The following PCDHGA4 variants were observed in gnomAD, a reference collection of about 807,000 sequenced individuals.
PCDHGA4 encodes the protein protocadherin gamma-A4.
PCDHGA4 carries 38 observed loss-of-function variants against 54.6 expected under a neutral mutation model. The observed-to-expected ratio is 0.70, with a 90% CI of 0.54 to 0.91. The LOEUF is 0.91. Among genes scored for constraint, PCDHGA4 ranks in the 40% least tolerant of loss-of-function variants. The pLI is 0.00. For synonymous variants in PCDHGA4, 511 were observed against 512.9 expected, an observed-to-expected ratio of 1.00 and a Z score of 0.05; for missense variants, 1,298 against 1,220.9, an observed-to-expected ratio of 1.06 and a Z score of -0.94.
At chr5:141,413,270 C>T (rs2095621736) in intron 1 of PCDHGA4, 5 of 1,613,924 alleles carry the variant, frequency 3.1e-6, no homozygotes, top group Non-Finnish European at 4.2e-6. Flanking sequence ...GAGGCTGGAG[C>T]CCGGCAGATC....
chr5:141,493,340 T>C lies in PCDHGA4; in HGVS notation c.2515-1467T>C, dbSNP rs889623993. Among the ~76,000 whole-genome samples, 1 of 152,202 alleles carries C rather than the reference T, an allele frequency of 6.6e-6. No homozygotes were observed. Among genetic ancestry groups the C allele is most frequent in the Admixed American group, 6.5e-5 (1 of 15,288 alleles). Reference sequence around the variant, plus strand: ...TTCTAACCCCTGTCTAACTCCAGAATGTGTGCTTTTAATTTCTTGGCACTT... The same window carrying C: ...TTCTAACCCCTGTCTAACTCCAGAACGTGTGCTTTTAATTTCTTGGCACTT... On this transcript the variant is annotated intron_variant, in intron 1 of 3. Coordinates refer to ENST00000571252, the MANE Select transcript of PCDHGA4 (RefSeq NM_018917.4). The surrounding 1 kb of genome is among the most constrained non-coding windows in gnomAD (Gnocchi z 4.3).
intron 1 of PCDHGA4, chr5:141,385,044 G>T: frequency 1.9e-6 from 3 of 1,614,146 alleles, no homozygotes; most frequent in South Asian, 2.2e-5. Context: ...TGGCGCTCAG[G>T]CTGCGGCGCT....
At chr5:141,415,750 T>TTTG in intron 1 of PCDHGA4, 2 of 1,313,212 alleles carry the variant, frequency 1.5e-6, no homozygotes, top group African/African-American at 1.6e-5. Context: ...GTTTTTTTTT[T>TTTG]TTTTTTTTTT....
rs562011010 is a variant in PCDHGA4, at chr5:141,427,600, G to A, written c.2515-67207G>A. On this transcript the variant is annotated intron_variant, in intron 1 of 3. Coordinates refer to ENST00000571252, the MANE Select transcript of PCDHGA4 (RefSeq NM_018917.4). ...TCATCCAGCACAAGCCTCACCCTAC[G>A]CATTGGTGAAGTCAACGACAATGCT... The A allele has an allele frequency of 6.7e-5, 46 of 683,296 alleles. 1 individual carries two copies. The East Asian group carries it at 1.2e-3, about 18-fold the overall frequency. 42.3% of individuals were successfully genotyped at this position (683,296 alleles called of 1,614,324 possible). A position where few individuals can be genotyped will look rare whatever the true frequency, so the allele number is the denominator to read the frequency against.
intron 1 of PCDHGA4, chr5:141,414,939 C>T (rs773327918): frequency 2.5e-6 from 4 of 1,614,090 alleles, no homozygotes; most frequent in Admixed American, 1.7e-5. Context: ...CCGCAGAGCC[C>T]GGCTACCTGG....
Position 141,491,364 on chromosome 5 carries a change from C to T in PCDHGA4, c.2515-3443C>T. 1 of 1,614,164 alleles carries T rather than the reference C, an allele frequency of 6.2e-7. No homozygotes were observed. The highest frequency in any genetic ancestry group is 8.5e-7 in the Non-Finnish European group (1 of 1,180,000). On this transcript the variant is annotated intron_variant, in intron 1 of 3. Coordinates refer to ENST00000571252, the MANE Select transcript of PCDHGA4 (RefSeq NM_018917.4). This position sits in a 1 kb window ranked among gnomAD's most constrained non-coding sequence, Gnocchi z 6.9. The stretch of plus-strand genomic sequence containing the variant: ...CCGTCAGTCTCTTATCCCTAGTCAC[C>T]TTCACCTTTCTGTCAGCGAAGTGCC...
Position 141,388,206 on chromosome 5 carries a change from G to C in PCDHGA4, c.2514+30585G>C. ...GCCAGCTTGTGCTCTGGAATTTGAGGCTGTTGCTGAAAATCCACTGAACTT... is the reference window on the plus strand; with the variant it reads ...GCCAGCTTGTGCTCTGGAATTTGAGCCTGTTGCTGAAAATCCACTGAACTT... On this transcript the variant is annotated intron_variant, in intron 1 of 3. Coordinates refer to ENST00000571252, the MANE Select transcript of PCDHGA4 (RefSeq NM_018917.4). 4 of 1,578,262 alleles carry C rather than the reference G, an allele frequency of 2.5e-6. No homozygotes were observed. In the South Asian group the frequency reaches 4.5e-5, roughly 18 times the overall value.
intron 1 of PCDHGA4, among the ~76,000 whole-genome samples, chr5:141,459,249 A>G (rs901058693): frequency 6.6e-6 from 1 of 152,218 alleles, no homozygotes; most frequent in Non-Finnish European, 1.5e-5. Flanking sequence ...TCCTGTCACT[A>G]TAAATTAGTG....
At chr5:141,415,189 A>G (rs575244490) in intron 1 of PCDHGA4, 2 of 1,613,958 alleles carry the variant, frequency 1.2e-6, no homozygotes, top group Non-Finnish European at 1.7e-6. Context: ...GGCCGACAGC[A>G]TCCCCCAAGT....
In PCDHGA4 at chr5:141,461,830, C is replaced by CT. The variant is rs1030113508; in HGVS notation, c.2515-32967dup. On this transcript the variant is annotated intron_variant, in intron 1 of 3. Transcript: ENST00000571252. Reference sequence around the variant, plus strand: ...CACCACACCCAGCTAATTTTTTTTTCTTTTTTTTTTGAGACAGAGTTTTGC... The same window carrying CT: ...CACCACACCCAGCTAATTTTTTTTTCTTTTTTTTTTTGAGACAGAGTTTTGC... Among the ~76,000 whole-genome samples, 192 of 145,246 alleles carry CT rather than the reference C, an allele frequency of 1.3e-3. 1 individual carries two copies. In the Middle Eastern group the frequency reaches 0.022, roughly 16 times the overall value.
intron 1 of PCDHGA4, chr5:141,394,949 G>A (rs761514870): frequency 1.9e-6 from 3 of 1,613,906 alleles, no homozygotes; most frequent in Non-Finnish European, 1.7e-6. Flanking sequence ...CTGTGCTTCT[G>A]GGGCTCAGGC....
At chr5:141,457,318 C>T (rs990268003) in intron 1 of PCDHGA4, among the ~76,000 whole-genome samples, 3 of 152,238 alleles carry the variant, frequency 2.0e-5, no homozygotes, top group South Asian at 2.1e-4. Context: ...AAGAAACCTC[C>T]GGGTTACAGG....
chr5:141,422,871 G>A (rs769543752), intron 1 of PCDHGA4: 1 of 1,614,216 alleles, frequency 6.2e-7, no homozygotes, highest in Admixed American at 1.7e-5. Context: ...GCAACGTGTC[G>A]CTGAGCCTGT....
At chr5:141,408,889 A>T in intron 1 of PCDHGA4, 3 of 1,613,232 alleles carry the variant, frequency 1.9e-6, no homozygotes, top group Non-Finnish European at 2.5e-6. Flanking sequence ...CTCACATAGA[A>T]ATTTCTGTCA....
At chr5:141,471,444 A>G (rs1366430114) in intron 1 of PCDHGA4, 1 of 152,150 alleles carries the variant, frequency 6.6e-6, no homozygotes, top group Non-Finnish European at 1.5e-5. Context: ...AATCTCATGT[A>G]CCTTTTGAAA....
intron 1 of PCDHGA4, chr5:141,415,384 A>C: frequency 1.9e-6 from 3 of 1,614,180 alleles, no homozygotes; most frequent in Non-Finnish European, 2.5e-6. Flanking sequence ...AGGCGGCTTG[A>C]CAGGTGTGTC....
intron 1 of PCDHGA4, chr5:141,388,654 C>T (rs2091438371): frequency 3.1e-6 from 5 of 1,613,846 alleles, no homozygotes; most frequent in Non-Finnish European, 4.2e-6. Flanking sequence ...AACGTGTACC[C>T]GGGGACCACG....
intron 1 of PCDHGA4, chr5:141,413,721 C>A (rs779673406): frequency 6.2e-7 from 1 of 1,613,592 alleles, no homozygotes. Context: ...ATAAGCACTT[C>A]TCCCTAAGAG....
In PCDHGA4 at chr5:141,362,558, T is replaced by G. The variant is rs1762565840; in HGVS notation, c.2514+4937T>G. ...TTTGCCTCAGATACTATTTTGAAGG[T>G]GAGCTTTAATTAATTTATTTTCACT... On this transcript the variant is annotated intron_variant, in intron 1 of 3. Transcript: ENST00000571252. 4 of 1,611,392 alleles carry G rather than the reference T, an allele frequency of 2.5e-6. No homozygotes were observed. The Middle Eastern group carries it at 5.0e-4, about 200-fold the overall frequency.
Sources: allele counts gnomAD v4.1 joint callset (sites outside exome capture counted in the v4.1 genomes callset), GRCh38; gene constraint gnomAD v4.1.1; non-coding constraint Gnocchi (gnomAD v3.1); transcripts MANE v1.5; gene names NCBI Gene and HGNC (gene_info 2026-07-23, HGNC 2026-07-21).